The following NLRP9 variants were observed in gnomAD, a reference collection of about 807,000 sequenced individuals.
NLRP9 encodes the protein NACHT, LRR and PYD domains-containing protein 9.
NLRP9 carries 88 observed loss-of-function variants against 83.1 expected under a neutral mutation model. The observed-to-expected ratio is 1.06, with a 90% CI of 0.89 to 1.26. The LOEUF is 1.26. Ranked by LOEUF, NLRP9 falls within the 50% of genes most tolerant of loss-of-function variation. The pLI is 0.00. For missense variants in NLRP9, 1,308 were observed against 1,179.3 expected (o/e 1.11, Z -1.60); for synonymous variants, 521 against 447.6 (o/e 1.16, Z -2.07).
intron 4 of NLRP9, among the ~76,000 whole-genome samples, chr19:55,722,179 A>T (rs1183485069): frequency 6.6e-6 from 1 of 152,008 alleles, no homozygotes; most frequent in Non-Finnish European, 1.5e-5. Context: ...AAGTAAATGA[A>T]TAGTTAGTTT....
At position 55,712,421 on chromosome 19, in the gene NLRP9, C is replaced by T. The variant is rs751704272; in HGVS notation, c.2671G>A (p.Gly891Arg). Residue 891 changes from glycine (G) to arginine (R), a missense_variant and splice_region_variant, in exon 7 of 9, where the codon GGG becomes AGG. Coordinates refer to ENST00000332836, the MANE Select transcript of NLRP9 (RefSeq NM_176820.4). ...CGATGGTGATCAGTAGATACTCACC[C>T]GAGACACTCTAATTTACAGTGAGGA... Reference protein sequence around the residue: ...QHPHCKLECLGLQTCPITRAC... With the variant: ...QHPHCKLECLRLQTCPITRAC... The T allele has an allele frequency of 2.4e-5, 39 of 1,611,308 alleles. No individual in the cohort carries two copies. The highest frequency in any genetic ancestry group is 2.2e-4 in the Admixed American group (13 of 59,938).
Position 55,732,346 on chromosome 19 carries a change from C to T in NLRP9, c.1485G>A (p.Met495Ile). Reference protein sequence around the residue: ...QTLLTQVGIFMFGISTEEIVS... With the variant: ...QTLLTQVGIFIFGISTEEIVS... Reference sequence around the variant, plus strand: ...CGATTTCTTCTGTTGAAATTCCAAACATGAATATCCCCACCTGGGTCAAGA... The same window carrying T: ...CGATTTCTTCTGTTGAAATTCCAAATATGAATATCCCCACCTGGGTCAAGA... The change falls in exon 2 of 9, where the codon ATG (methionine) becomes ATA (isoleucine). Residue 495 changes from methionine to isoleucine, a missense_variant. Coordinates refer to ENST00000332836, the MANE Select transcript of NLRP9 (RefSeq NM_176820.4). 6.2e-7 allele frequency: 1 copy of T among 1,614,212 alleles called. No individual in the cohort carries two copies. The highest frequency in any genetic ancestry group is 1.1e-5 in the South Asian group (1 of 91,084).
chr19:55,716,950 G>C, intron 4 of NLRP9, 52 bp from the exon 5 acceptor site: 4 of 1,494,032 alleles, frequency 2.7e-6, no homozygotes, highest in Non-Finnish European at 3.7e-6. Flanking sequence ...AATCGCTCAT[G>C]AAACATTATC....
At chr19:55,711,682 G>A (rs552540018) in intron 8 of NLRP9, 118 bp downstream of exon 8, 134 of 1,019,638 alleles carry the variant, frequency 1.3e-4, no homozygotes, top group Non-Finnish European at 1.9e-4. Context: ...CCCAAGGACA[G>A]GCCCCCACCA....
chr19:55,718,614 C>T (rs150397227), intron 4 of NLRP9, among the ~76,000 whole-genome samples: 508 of 152,314 alleles, frequency 3.3e-3, no homozygotes, highest in Non-Finnish European at 5.9e-3. Flanking sequence ...ATTCATGATA[C>T]AGATTCCTTC....
rs1988655935 is a variant in NLRP9 at position 55,733,246 on chromosome 19, C to T, written c.585G>A (p.Glu195=). The change falls in exon 2 of 9, where the codon GAG becomes GAA. Residue 195 remains glutamate, a synonymous_variant. Transcript: ENST00000332836. ...TAGAGAGGAGCTCCAGTAAGCTGGT[C>T]TCTGCGATACCGTTCATTTCACAGA... is the stretch of plus-strand genomic sequence containing the variant. The part of the protein sequence containing the change: ...LNVCEMNGIA[E]TSLLELLSRD... 2 of 1,613,936 alleles carry T rather than the reference C, an allele frequency of 1.2e-6. No homozygotes were observed. The highest frequency in any genetic ancestry group is 1.7e-6 in the Non-Finnish European group (2 of 1,179,864).
intron 4 of NLRP9, among the ~76,000 whole-genome samples, chr19:55,719,245 C>A (rs545842873): frequency 6.6e-6 from 1 of 152,322 alleles, no homozygotes; most frequent in East Asian, 1.9e-4. Flanking sequence ...GAGGCAGAGG[C>A]TGCAGTGAGC....
chr19:55,731,218 G>A (rs1159746785), intron 2 of NLRP9, among the ~76,000 whole-genome samples: 1 of 152,072 alleles, frequency 6.6e-6, no homozygotes, highest in Non-Finnish European at 1.5e-5. Context: ...GGCAAAATCA[G>A]CAGAGGGAAA....
chr19:55,715,017 G>A, intron 6 of NLRP9, 38 bp downstream of exon 6: 1 of 1,566,472 alleles, frequency 6.4e-7, no homozygotes, highest in African/African-American at 1.4e-5. Context: ...TCCAAAAAAA[G>A]AAACCCTGAC....
At chr19:55,716,607 T>C (rs1285963968) in intron 5 of NLRP9, 121 bp downstream of exon 5, 5 of 788,002 alleles carry the variant, frequency 6.3e-6, no homozygotes, top group Middle Eastern at 3.8e-4. Flanking sequence ...GGAACTCAGG[T>C]CTAGCTACGG....
At chr19:55,734,253 A>T in intron 1 of NLRP9, among the ~76,000 whole-genome samples, 1 of 149,550 alleles carries the variant, frequency 6.7e-6, no homozygotes. Flanking sequence ...GGTCCCACCT[A>T]CTCAGGAAGC....
At chr19:55,720,746 A>G (rs1194790671) in intron 4 of NLRP9, among the ~76,000 whole-genome samples, 1 of 152,262 alleles carries the variant, frequency 6.6e-6, no homozygotes, top group African/African-American at 2.4e-5. Flanking sequence ...CAAACCACAT[A>G]GAAGATATTT....
At chr19:55,727,506 CA>C (rs1568600934) in intron 3 of NLRP9, among the ~76,000 whole-genome samples, 1 of 152,220 alleles carries the variant, frequency 6.6e-6, no homozygotes, top group East Asian at 1.9e-4. Context: ...ATTGCAAGAC[CA>C]CTAACCACCT....
At position 55,714,331 on chromosome 19, in the gene NLRP9, G is replaced by T. The variant is rs1415133266; in HGVS notation, c.2501+724C>A. Among the ~76,000 whole-genome samples the T allele has an allele frequency of 2.0e-5, 3 of 151,110 alleles. 1 individual carries two copies. Among genetic ancestry groups the T allele is most frequent in the South Asian group, 4.2e-4 (2 of 4,746 alleles). On this transcript the variant is annotated intron_variant, in intron 6 of 8. Transcript: ENST00000332836. ...CTGGGGAGAGGTGAGTCACCTGCAT[G>T]CATTGATCATAGTCCTTCATGTGTG...
At chr19:55,711,527 C>G in intron 8 of NLRP9, 1 of 1,271,510 alleles carries the variant, frequency 7.9e-7, no homozygotes, top group South Asian at 1.3e-5. Context: ...AACTGTGTCT[C>G]CGAGGGACTT....
chr19:55,711,503 T>C, intron 8 of NLRP9: 1 of 1,356,158 alleles, frequency 7.4e-7, no homozygotes, highest in Non-Finnish European at 9.7e-7. Flanking sequence ...AGAGCAGTGG[T>C]TCTCACCTGG....
At chr19:55,721,872 C>G (rs1988236234) in intron 4 of NLRP9, among the ~76,000 whole-genome samples, 1 of 152,160 alleles carries the variant, frequency 6.6e-6, no homozygotes, top group African/African-American at 2.4e-5. Flanking sequence ...GTGAGATGTG[C>G]CTTTCACCTT....
At position 55,723,996 on chromosome 19, in the gene NLRP9, T is replaced by G. The variant is rs1363127959; in HGVS notation, c.2143A>C (p.Lys715Gln). Reference protein sequence around the residue: ...LCETLKHPMCKIEELILGKCD... With the variant: ...LCETLKHPMCQIEELILGKCD... ...CGGACTTACATCAGCTCTTCTATCT[T>G]GCACATTGGATGTTTCAGCGTCTCA... is the stretch of plus-strand genomic sequence containing the variant. Residue 715 changes from lysine to glutamine, a missense_variant, in exon 4 of 9, where the codon AAG becomes CAG. Coordinates refer to ENST00000332836, the MANE Select transcript of NLRP9 (RefSeq NM_176820.4). The G allele has an allele frequency of 6.2e-7, 1 of 1,613,930 alleles. No individual in the cohort carries two copies.
chr19:55,708,905 T>A lies in NLRP9; in HGVS notation c.*7A>T. On this transcript the variant is annotated 3_prime_UTR_variant, in exon 9 of 9. Transcript: ENST00000332836. Reference sequence around the variant, plus strand: ...TTTGTGAGACGACTACTTCAGGGTGTTCCCCATCAGAGGAGCACACCCCTG... The same window carrying A: ...TTTGTGAGACGACTACTTCAGGGTGATCCCCATCAGAGGAGCACACCCCTG... The A allele has an allele frequency of 6.5e-7, 1 of 1,532,938 alleles. No homozygotes were observed. The allele number at this position is 1,532,938 out of a possible 1,614,324, so 95.0% of individuals were successfully genotyped here. A position where few individuals can be genotyped will look rare whatever the true frequency, so the allele number is the denominator to read the frequency against.
Sources: gnomAD v4.1 joint callset for allele counts (sites outside exome capture counted in the v4.1 genomes callset) on GRCh38, gnomAD v4.1.1 for gene constraint, MANE v1.5 for transcripts, NCBI Gene and HGNC (gene_info 2026-07-23, HGNC 2026-07-21) for gene names.